The following TAFA5 variants were observed in gnomAD, a reference collection of about 807,000 sequenced individuals.
TAFA5 encodes TAFA chemokine like family member 5.
TAFA5 carries 6 observed loss-of-function variants against 15.3 expected under a neutral mutation model. The ratio of observed to expected loss-of-function variants is 0.39; its 90% confidence interval spans 0.21 to 0.77. The LOEUF is 0.77. Ranked by LOEUF, TAFA5 falls within the 30% of genes least tolerant of loss-of-function variation. The pLI is 0.41. For synonymous variants in TAFA5, 103 were observed against 80.7 expected (o/e 1.28, Z -1.48); for missense variants, 161 against 193.1 (o/e 0.83, Z 0.98).
chr22:48,736,194 A>G (rs80135341), intron 3 of TAFA5, among the ~76,000 whole-genome samples: 16 of 82,682 alleles, frequency 1.9e-4, no homozygotes, highest in Non-Finnish European at 2.7e-4. Context: ...AATGAGAATC[A>G]CACTCCTGGA....
chr22:48,528,734 G>C (rs1192066871), intron 1 of TAFA5, among the ~76,000 whole-genome samples: 9 of 152,342 alleles, frequency 5.9e-5, no homozygotes, highest in Admixed American at 5.9e-4. Flanking sequence ...TGGAAGCGGA[G>C]TGGCCTCAAG....
At chr22:48,664,352 C>T (rs762880053) in intron 2 of TAFA5, among the ~76,000 whole-genome samples, 2 of 152,142 alleles carry the variant, frequency 1.3e-5, no homozygotes, top group Admixed American at 6.5e-5. Flanking sequence ...AGTCGTGTCT[C>T]GTGAAATGAT....
At chr22:48,542,401 G>A (rs555199392) in intron 1 of TAFA5, among the ~76,000 whole-genome samples, 58 of 122,760 alleles carry the variant, frequency 4.7e-4, no homozygotes, top group South Asian at 1.2e-3. Context: ...GTGTGTGTGT[G>A]CGTGTGTGGC....
chr22:48,627,334 C>T (rs184099003), intron 1 of TAFA5, among the ~76,000 whole-genome samples: 97 of 152,358 alleles, frequency 6.4e-4, no homozygotes, highest in African/African-American at 2.2e-3. Context: ...GGAGCCAGCA[C>T]GTGCCCGGCA....
intron 2 of TAFA5, among the ~76,000 whole-genome samples, chr22:48,647,121 G>A (rs1473661011): frequency 6.6e-6 from 1 of 152,202 alleles, no homozygotes; most frequent in Non-Finnish European, 1.5e-5. Flanking sequence ...TCGTCTGCGT[G>A]TGGTCTGGCC....
chr22:48,710,676 C>A (rs1929224683), intron 3 of TAFA5, among the ~76,000 whole-genome samples: 1 of 152,222 alleles, frequency 6.6e-6, no homozygotes, highest in Admixed American at 6.5e-5. Context: ...AGTGAGCCCC[C>A]CTTATTCTGG....
chr22:48,718,347 G>C (rs1022698497), intron 3 of TAFA5, among the ~76,000 whole-genome samples: 2 of 152,160 alleles, frequency 1.3e-5, no homozygotes, highest in Admixed American at 6.5e-5. Context: ...GAGCCTCTGT[G>C]GGGGCAGCGG....
At chr22:48,529,419 T>TC (rs1156246334) in intron 1 of TAFA5, among the ~76,000 whole-genome samples, 6 of 73,188 alleles carry the variant, frequency 8.2e-5, no homozygotes, top group Non-Finnish European at 1.0e-4. Context: ...GATGGGGATG[T>TC]CAGGCAGGAG....
chr22:48,607,187 G>A (rs1925221417), intron 1 of TAFA5, among the ~76,000 whole-genome samples: 1 of 152,066 alleles, frequency 6.6e-6, no homozygotes, highest in Non-Finnish European at 1.5e-5. Flanking sequence ...GTTCTGATTA[G>A]GGCTGGCCCA....
intron 2 of TAFA5, among the ~76,000 whole-genome samples, chr22:48,658,148 G>T (rs1405409535): frequency 1.3e-5 from 2 of 151,856 alleles, no homozygotes; most frequent in Non-Finnish European, 2.9e-5. Flanking sequence ...AGGGAAGGGT[G>T]CATGGGGTCT....
chr22:48,706,551 T>C (rs1267121575), intron 2 of TAFA5, among the ~76,000 whole-genome samples: 1 of 152,200 alleles, frequency 6.6e-6, no homozygotes, highest in African/African-American at 2.4e-5. Context: ...TTCTTTTTCA[T>C]GTAAGATGCA....
At chr22:48,659,766 G>GCA (rs138774620) in intron 2 of TAFA5, among the ~76,000 whole-genome samples, 131,782 of 152,156 alleles carry the variant, frequency 0.87, 57,522 homozygotes, top group East Asian at 1. Flanking sequence ...CCTTTTTGGT[G>GCA]GGGAACAAGG....
At chr22:48,584,503 CCACACA>C (rs372447681) in intron 1 of TAFA5, among the ~76,000 whole-genome samples, 7 of 148,024 alleles carry the variant, frequency 4.7e-5, no homozygotes, top group Non-Finnish European at 8.9e-5. Context: ...ACAAAATACA[CCACACA>C]CACACACACA....
intron 1 of TAFA5, among the ~76,000 whole-genome samples, chr22:48,637,738 GA>G (rs1926502017): frequency 6.6e-6 from 1 of 152,026 alleles, no homozygotes; most frequent in Non-Finnish European, 1.5e-5. Context: ...AGGCAGAGTA[GA>G]ACTCACAGCC....
intron 1 of TAFA5, among the ~76,000 whole-genome samples, chr22:48,590,529 C>T (rs1206818592): frequency 6.6e-6 from 1 of 152,146 alleles, no homozygotes; most frequent in Non-Finnish European, 1.5e-5. Context: ...GCCCGGGAGA[C>T]ACTGTTGTGG....
At chr22:48,612,884 G>A (rs770130131) in intron 1 of TAFA5, among the ~76,000 whole-genome samples, 2 of 152,120 alleles carry the variant, frequency 1.3e-5, no homozygotes, top group African/African-American at 2.4e-5. Context: ...ACTGGTCATC[G>A]TGGGGAGCAG....
intron 1 of TAFA5, among the ~76,000 whole-genome samples, chr22:48,492,127 T>C (rs1022530741): frequency 1.0e-4 from 15 of 147,166 alleles, no homozygotes; most frequent in Non-Finnish European, 1.5e-4. Context: ...AGAAAAAAAA[T>C]CCCCCCCCCT....
intron 1 of TAFA5, among the ~76,000 whole-genome samples, chr22:48,542,376 T>C (rs996431449): frequency 1.5e-4 from 17 of 111,936 alleles, no homozygotes; most frequent in Admixed American, 2.0e-4. Context: ...TGCGGGTGTG[T>C]GGTGTGTGTG....
At chr22:48,723,024 C>A (rs866167775) in intron 3 of TAFA5, among the ~76,000 whole-genome samples, 55 of 152,260 alleles carry the variant, frequency 3.6e-4, no homozygotes, top group South Asian at 6.2e-4. Flanking sequence ...TGTCTCTAGC[C>A]CCAAGGCCGC....
Sources: allele counts gnomAD v4.1 joint callset (sites outside exome capture counted in the v4.1 genomes callset), GRCh38; gene constraint gnomAD v4.1.1; transcripts MANE v1.5; gene names NCBI Gene and HGNC (gene_info 2026-07-23, HGNC 2026-07-21).